The following JMJD1C variants were observed in gnomAD, a reference collection of about 807,000 sequenced individuals.
JMJD1C encodes jumonji domain-containing protein 1C.
In JMJD1C, 31 loss-of-function variants were observed where a neutral mutation model predicts 245.3. The ratio of observed to expected loss-of-function variants is 0.13; its 90% CI spans 0.09 to 0.17. The LOEUF is 0.17. Ranked by LOEUF, JMJD1C falls within the 10% of genes least tolerant of loss-of-function variation. The pLI is 1.00. For missense variants in JMJD1C, 2,691 were observed against 3,000.2 expected (o/e 0.90, Z 2.41); for synonymous variants, 1,057 against 1,017.4 (o/e 1.04, Z -0.74).
At chr10:63,393,169 G>A (rs1388075110) in intron 1 of JMJD1C, among the ~76,000 whole-genome samples, 1 of 152,120 alleles carries the variant, frequency 6.6e-6, no homozygotes, top group East Asian at 1.9e-4. Context: ...TCAGGAGACT[G>A]AGGTGGGAGA....
intron 1 of JMJD1C, among the ~76,000 whole-genome samples, chr10:63,517,541 T>A (rs976909778): frequency 1.3e-5 from 2 of 152,202 alleles, no homozygotes; most frequent in African/African-American, 4.8e-5. Flanking sequence ...AGAAGAAAAG[T>A]GTCTTTGCAG....
At chr10:63,478,560 C>T (rs1383820729) in intron 1 of JMJD1C, among the ~76,000 whole-genome samples, 1 of 152,158 alleles carries the variant, frequency 6.6e-6, no homozygotes, top group Non-Finnish European at 1.5e-5. Context: ...TATACTTTTG[C>T]TTACTGTTAA....
chr10:63,264,689 C>A lies in JMJD1C; in HGVS notation c.409G>T (p.Asp137Tyr). The change falls in exon 3 of 26, where the codon GAT becomes TAT. Residue 137 changes from aspartate to tyrosine, a missense_variant. Transcript: ENST00000399262. Reference protein sequence around the residue: ...AVEFLVDKQLDFLTEDSAFQP... With the variant: ...AVEFLVDKQLYFLTEDSAFQP... ...AAGGCACTATCTTCAGTTAAAAAAT[C>A]CAGTTGCTTATCTACAAGGAATTCT... The A allele has an allele frequency of 6.3e-7, 1 of 1,587,728 alleles. No homozygotes were observed. The highest frequency in any genetic ancestry group is 1.1e-5 in the South Asian group (1 of 87,568).
At chr10:63,423,858 T>G (rs1950273220) in intron 1 of JMJD1C, among the ~76,000 whole-genome samples, 3 of 152,238 alleles carry the variant, frequency 2.0e-5, no homozygotes, top group African/African-American at 7.2e-5. Context: ...TTAGTAAGTT[T>G]GAATCTCACA....
chr10:63,218,928 C>G (rs1201973218), intron 4 of JMJD1C, among the ~76,000 whole-genome samples: 1 of 151,970 alleles, frequency 6.6e-6, no homozygotes, highest in Non-Finnish European at 1.5e-5. Context: ...AAAACAATTA[C>G]TTTTTTCAGA....
At chr10:63,435,440 T>C (rs1391801820) in intron 1 of JMJD1C, among the ~76,000 whole-genome samples, 1 of 152,188 alleles carries the variant, frequency 6.6e-6, no homozygotes, top group African/African-American at 2.4e-5. Context: ...AAGATTATAG[T>C]AAACACAGAT....
chr10:63,185,741 G>C, intron 19 of JMJD1C, 88 bp from the exon 20 acceptor site: 1 of 779,242 alleles, frequency 1.3e-6, no homozygotes, highest in Non-Finnish European at 2.2e-6. Context: ...ATGAATGAAT[G>C]ATTTGATTGT....
intron 2 of JMJD1C, among the ~76,000 whole-genome samples, chr10:63,322,831 T>C (rs1941061049): frequency 6.6e-6 from 1 of 150,840 alleles, no homozygotes; most frequent in Admixed American, 6.6e-5. Context: ...AAACTTTTTT[T>C]TTTTTCCTAA....
At chr10:63,431,903 T>C (rs1007383999) in intron 1 of JMJD1C, among the ~76,000 whole-genome samples, 10 of 152,050 alleles carry the variant, frequency 6.6e-5, no homozygotes, top group African/African-American at 9.7e-5. Flanking sequence ...TCCCAACTAA[T>C]CGGGAGGCTG....
intron 1 of JMJD1C, among the ~76,000 whole-genome samples, chr10:63,437,364 A>T (rs979595976): frequency 2.0e-5 from 3 of 152,154 alleles, no homozygotes; most frequent in Non-Finnish European, 2.9e-5. Flanking sequence ...AAGCAATCAG[A>T]TTTCCACAAG....
chr10:63,185,556 T>C lies in JMJD1C; in HGVS notation c.6830+7A>G, dbSNP rs1183107144. 1.9e-6 allele frequency: 3 copies of C among 1,546,114 alleles called. No individual in the cohort carries two copies. The highest frequency in any genetic ancestry group is 2.7e-5 in the African/African-American group (2 of 74,152). On this transcript the variant is annotated splice_region_variant and intron_variant, in intron 20 of 25. Coordinates refer to ENST00000399262, the MANE Select transcript of JMJD1C (RefSeq NM_032776.3). ...AAAGTCAAGAGTCAAAATGAAAAGT[T>C]TCAAACCTTGCTGGCATCATAGTCT...
chr10:63,272,276 G>A (rs569548899), intron 2 of JMJD1C, among the ~76,000 whole-genome samples: 1 of 152,072 alleles, frequency 6.6e-6, no homozygotes, highest in Non-Finnish European at 1.5e-5. Context: ...TTGAGATGGA[G>A]TTTTGCTCTT....
chr10:63,348,736 T>G (rs1048899874), intron 2 of JMJD1C, among the ~76,000 whole-genome samples: 3 of 152,166 alleles, frequency 2.0e-5, no homozygotes, highest in Non-Finnish European at 4.4e-5. Context: ...TGGGGACGTA[T>G]CCTTTGAATG....
chr10:63,500,712 C>T (rs569967399), intron 1 of JMJD1C, among the ~76,000 whole-genome samples: 2 of 143,400 alleles, frequency 1.4e-5, no homozygotes, highest in African/African-American at 2.5e-5. Context: ...GGCAACAGAG[C>T]AAGACTGTCT....
chr10:63,213,620 A>T lies in JMJD1C; in HGVS notation c.2547T>A (p.His849Gln). The T allele has an allele frequency of 3.7e-6, 6 of 1,614,194 alleles. No individual in the cohort carries two copies. The highest frequency in any genetic ancestry group is 5.1e-6 in the Non-Finnish European group (6 of 1,180,010). Residue 849 changes from histidine to glutamine, a missense_variant, in exon 8 of 26, where the codon CAT becomes CAA. This residue lies in a region of JMJD1C where 1,562 missense variants were observed against 1,490.7 expected (regional missense o/e 1.05). Transcript: ENST00000399262. ...HQSPHLLGQA[H>Q]PSASYNQLGL... The stretch of plus-strand genomic sequence containing the variant: ...CAAGCTGATTATATGAAGCAGAAGG[A>T]TGGGCTTGTCCAAGAAGATGAGGTG...
intron 3 of JMJD1C, chr10:63,223,012 T>C (rs1300190143): frequency 1.3e-5 from 17 of 1,345,606 alleles, no homozygotes; most frequent in Middle Eastern, 2.6e-4. Flanking sequence ...ATACACTATA[T>C]AACAATACTA....
intron 2 of JMJD1C, among the ~76,000 whole-genome samples, chr10:63,312,135 T>C (rs542508838): frequency 6.7e-6 from 1 of 150,176 alleles, no homozygotes; most frequent in Non-Finnish European, 1.5e-5. Flanking sequence ...GAGACGAAGT[T>C]TCGCTCTTGT....
intron 4 of JMJD1C, among the ~76,000 whole-genome samples, chr10:63,217,999 C>T (rs377220274): frequency 9.9e-5 from 15 of 152,092 alleles, no homozygotes; most frequent in East Asian, 5.8e-4. Context: ...ACAAGTCACT[C>T]TACAGAAGAG....
intron 1 of JMJD1C, among the ~76,000 whole-genome samples, chr10:63,457,379 C>T (rs1952481342): frequency 6.6e-6 from 1 of 152,162 alleles, no homozygotes; most frequent in Admixed American, 6.5e-5. Context: ...CTATTTCAAA[C>T]CCACACACGG....
Sources: gnomAD v4.1 joint callset for allele counts (sites outside exome capture counted in the v4.1 genomes callset) on GRCh38, gnomAD v4.1.1 for gene constraint, gnomAD v4.1.1 regional missense constraint, MANE v1.5 for transcripts, NCBI Gene and HGNC (gene_info 2026-07-23, HGNC 2026-07-21) for gene names.